The following REC114 variants were observed in gnomAD, a reference collection of about 807,000 sequenced individuals.
REC114 encodes meiotic recombination protein REC114.
In REC114, 27 loss-of-function variants were observed where a neutral mutation model predicts 31.3. The ratio of observed to expected loss-of-function variants is 0.86; its 90% confidence interval spans 0.64 to 1.19. The LOEUF (loss-of-function observed/expected upper bound fraction) is 1.19. Ranked by LOEUF, REC114 falls within the 50% of genes most tolerant of loss-of-function variation. REC114 has a pLI of 0.00. For missense variants in REC114, 344 were observed against 326.9 expected, an observed-to-expected ratio of 1.05 and a Z score of -0.40; for synonymous variants, 134 against 127.7, an observed-to-expected ratio of 1.05 and a Z score of -0.33.
At chr15:73,463,877 G>A (rs1239108376) in intron 1 of REC114, among the ~76,000 whole-genome samples, 1 of 151,700 alleles carries the variant, frequency 6.6e-6, no homozygotes, top group East Asian at 1.9e-4. Context: ...TTTTTAACTA[G>A]AAGCTTTTAA....
At chr15:73,454,158 A>G (rs952692946) in intron 1 of REC114, among the ~76,000 whole-genome samples, 1 of 152,192 alleles carries the variant, frequency 6.6e-6, no homozygotes. Context: ...AAATAAATAA[A>G]TAAAAGATTG....
intron 2 of REC114, among the ~76,000 whole-genome samples, chr15:73,537,336 A>G (rs1474813897): frequency 6.6e-6 from 1 of 152,192 alleles, no homozygotes; most frequent in African/African-American, 2.4e-5. Flanking sequence ...CAGAAGAGAT[A>G]TAGGAAACTC....
chr15:73,501,940 T>A (rs755748125), intron 2 of REC114, among the ~76,000 whole-genome samples: 3 of 152,208 alleles, frequency 2.0e-5, no homozygotes, highest in Non-Finnish European at 4.4e-5. Context: ...TTTAAGATCA[T>A]ATTCTTCTGA....
intron 2 of REC114, among the ~76,000 whole-genome samples, chr15:73,520,623 G>A (rs747014382): frequency 2.0e-5 from 3 of 152,126 alleles, no homozygotes; most frequent in African/African-American, 4.8e-5. Flanking sequence ...ACCCCATCAC[G>A]AACCTCCCTG....
chr15:73,534,576 T>A (rs1425642505), intron 2 of REC114, among the ~76,000 whole-genome samples: 1 of 151,988 alleles, frequency 6.6e-6, no homozygotes, highest in Non-Finnish European at 1.5e-5. Context: ...ACCAGATGGA[T>A]TCACAGCCGA....
At chr15:73,519,964 G>A (rs768343613) in intron 2 of REC114, among the ~76,000 whole-genome samples, 1 of 152,102 alleles carries the variant, frequency 6.6e-6, no homozygotes, top group Non-Finnish European at 1.5e-5. Context: ...CTAGGGGCTG[G>A]GGGAAAGGAA....
At chr15:73,551,728 GAAC>G (rs1894396553) in intron 4 of REC114, among the ~76,000 whole-genome samples, 1 of 152,142 alleles carries the variant, frequency 6.6e-6, no homozygotes, top group African/African-American at 2.4e-5. Flanking sequence ...TTATGTGAGA[GAAC>G]AACAGACTAT....
intron 2 of REC114, among the ~76,000 whole-genome samples, chr15:73,530,364 T>C (rs1894060602): frequency 6.6e-6 from 1 of 152,248 alleles, no homozygotes; most frequent in African/African-American, 2.4e-5. Flanking sequence ...TTATGATTAT[T>C]GAAAATTTAA....
rs561977951 is a variant in REC114, at chr15:73,476,524, G to A, written c.249+2603G>A. ...AAAATTGTATATATTTACTGTGTAC[G>A]TTATTTTGAAGTATATATACATTGT... On this transcript the variant is annotated intron_variant, in intron 2 of 5. Transcript: ENST00000331090. Among the ~76,000 whole-genome samples, 14 of 152,152 alleles carry A rather than the reference G, an allele frequency of 9.2e-5. No homozygotes were observed. The South Asian group carries it at 1.9e-3, about 20-fold the overall frequency.
At chr15:73,507,106 C>T in intron 2 of REC114, among the ~76,000 whole-genome samples, 1 of 152,204 alleles carries the variant, frequency 6.6e-6, no homozygotes, top group East Asian at 1.9e-4. Flanking sequence ...ACTAAGTGTT[C>T]ATTTCCTGTG....
At chr15:73,558,519 GA>G (rs1894510631) in intron 5 of REC114, among the ~76,000 whole-genome samples, 1 of 152,154 alleles carries the variant, frequency 6.6e-6, no homozygotes, top group Non-Finnish European at 1.5e-5. Flanking sequence ...GGTTACCAAA[GA>G]AAACATACAG....
rs1157239488 is a variant in REC114, at chr15:73,559,820, C to T, written c.705C>T (p.Gly235=). 6.2e-7 allele frequency: 1 copy of T among 1,612,620 alleles called. No homozygotes were observed. The highest frequency in any genetic ancestry group is 1.3e-5 in the African/African-American group (1 of 74,802). ...EQSAWGAEEL[G]PFLRLCLMDQ... is the part of the protein sequence containing the mutation. ...CTGCATGGGGTGCAGAAGAGTTAGGCCCCTTCCTACGTTTGTGCCTTATGG... is the reference window on the plus strand; with the variant it reads ...CTGCATGGGGTGCAGAAGAGTTAGGTCCCTTCCTACGTTTGTGCCTTATGG... The change falls in exon 6 of 6, where the codon GGC becomes GGT. Residue 235 remains glycine (G), a synonymous_variant. Transcript: ENST00000331090.
In REC114 at chr15:73,480,430, A is replaced by C. The variant is rs991427402; in HGVS notation, c.249+6509A>C. On this transcript the variant is annotated intron_variant, in intron 2 of 5. Coordinates refer to ENST00000331090, the MANE Select transcript of REC114 (RefSeq NM_001042367.2). ...TTATTGTAGAAGTATTTGATTTTTT[A>C]AATTATGTACATATGTAAGTGTGAT... Among the ~76,000 whole-genome samples the C allele has an allele frequency of 2.0e-5, 3 of 152,036 alleles. No individual in the cohort carries two copies. In the East Asian group the frequency reaches 5.8e-4, roughly 29 times the overall value.
At chr15:73,539,223 C>G (rs1436308892) in intron 2 of REC114, among the ~76,000 whole-genome samples, 1 of 146,948 alleles carries the variant, frequency 6.8e-6, no homozygotes, top group Non-Finnish European at 1.5e-5. Context: ...TCTAACTTCT[C>G]TTTCCATTTG....
intron 5 of REC114, among the ~76,000 whole-genome samples, chr15:73,558,096 T>A (rs540753857): frequency 6.6e-6 from 1 of 152,256 alleles, no homozygotes; most frequent in South Asian, 2.1e-4. Context: ...CCCAAGCACT[T>A]TGGGGGGCTG....
chr15:73,479,195 T>G (rs7173584), intron 2 of REC114, among the ~76,000 whole-genome samples: 1 of 149,362 alleles, frequency 6.7e-6, no homozygotes, highest in Admixed American at 6.7e-5. Flanking sequence ...AGCTGTAGGT[T>G]TTTTTTTTTG....
intron 2 of REC114, among the ~76,000 whole-genome samples, chr15:73,496,937 T>A (rs1441692319): frequency 6.6e-6 from 1 of 152,090 alleles, no homozygotes; most frequent in African/African-American, 2.4e-5. Context: ...TATTTTTTTT[T>A]TTTTTTAATA....
At chr15:73,449,482 A>C (rs1892814725) in intron 1 of REC114, among the ~76,000 whole-genome samples, 1 of 152,196 alleles carries the variant, frequency 6.6e-6, no homozygotes, top group Non-Finnish European at 1.5e-5. Context: ...GCCTCCAAGA[A>C]ATATGGGACT....
intron 4 of REC114, among the ~76,000 whole-genome samples, chr15:73,555,387 G>C (rs1894450766): frequency 6.6e-6 from 1 of 152,138 alleles, no homozygotes; most frequent in South Asian, 2.1e-4. Flanking sequence ...AACGGAGGTA[G>C]GGCCCTTCAT....
Sources: gnomAD v4.1 joint callset for allele counts (sites outside exome capture counted in the v4.1 genomes callset) on GRCh38, gnomAD v4.1.1 for gene constraint, MANE v1.5 for transcripts, NCBI Gene and HGNC (gene_info 2026-07-23, HGNC 2026-07-21) for gene names.